PPP1R1C: variants seen among roughly 807,000 people sequenced by gnomAD.
PPP1R1C encodes protein phosphatase 1 regulatory inhibitor subunit 1C, also known as protein phosphatase 1 regulatory subunit 1C.
Under a neutral mutation model 17.4 loss-of-function variants are expected in PPP1R1C, and 15 were observed. The ratio of observed to expected loss-of-function variants is 0.86; its 90% CI spans 0.58 to 1.33. PPP1R1C has a LOEUF of 1.33. PPP1R1C is among the 40% of genes most tolerant of loss of function. The probability of loss-of-function intolerance (pLI) is 0.00; values close to 1 mark genes in which losing one functional copy is unlikely to be tolerated. For missense variants in PPP1R1C, 143 were observed against 130.0 expected, an observed-to-expected ratio of 1.10 and a Z score of -0.48; for synonymous variants, 35 against 43.1, an observed-to-expected ratio of 0.81 and a Z score of 0.73.
chr2:182,047,415 T>A (rs1687380026), intron 2 of PPP1R1C, among the ~76,000 whole-genome samples: 1 of 152,208 alleles, frequency 6.6e-6, no homozygotes, highest in Non-Finnish European at 1.5e-5. Context: ...TTATTTCTAA[T>A]CTGTAAAAGT....
chr2:181,993,900 G>GA (rs1418377001), intron 2 of PPP1R1C, among the ~76,000 whole-genome samples: 31 of 148,474 alleles, frequency 2.1e-4, no homozygotes, highest in South Asian at 1.3e-3. Context: ...CAAAATAAAT[G>GA]AAAAAAAAAT....
intron 2 of PPP1R1C, among the ~76,000 whole-genome samples, chr2:181,993,282 AC>A (rs1284327818): frequency 2.0e-5 from 3 of 152,014 alleles, no homozygotes; most frequent in Non-Finnish European, 4.4e-5. Context: ...CTTCATGGAG[AC>A]CCTCTATTTT....
chr2:181,999,192 C>T (rs1355220354), intron 2 of PPP1R1C, among the ~76,000 whole-genome samples: 1 of 151,966 alleles, frequency 6.6e-6, no homozygotes, highest in Non-Finnish European at 1.5e-5. Flanking sequence ...ATGTTTAGGA[C>T]ACAAAAGAGA....
chr2:182,016,494 C>G (rs1056632911), intron 2 of PPP1R1C, among the ~76,000 whole-genome samples: 1 of 152,060 alleles, frequency 6.6e-6, no homozygotes, highest in Non-Finnish European at 1.5e-5. Context: ...ATTTCTTTAT[C>G]TGGAATATAG....
intron 2 of PPP1R1C, among the ~76,000 whole-genome samples, chr2:181,998,616 A>C (rs1248091184): frequency 6.6e-6 from 1 of 152,256 alleles, no homozygotes; most frequent in Non-Finnish European, 1.5e-5. Context: ...GATGATTGTT[A>C]GATTATGGTT....
chr2:181,986,246 A>G (rs1685295309), intron 1 of PPP1R1C, 55 bp downstream of exon 1: 9 of 1,295,594 alleles, frequency 6.9e-6, no homozygotes, highest in Non-Finnish European at 1.0e-5. Context: ...ATGAACATGC[A>G]TTCTGGTTAT....
At chr2:182,056,919 G>A (rs1294541463) in intron 2 of PPP1R1C, among the ~76,000 whole-genome samples, 2 of 152,138 alleles carry the variant, frequency 1.3e-5, no homozygotes, top group Non-Finnish European at 2.9e-5. Context: ...AAGAATTTGA[G>A]TGTCTGTAGC....
intron 4 of PPP1R1C, among the ~76,000 whole-genome samples, chr2:182,072,251 C>T (rs1443314936): frequency 6.6e-6 from 1 of 152,128 alleles, no homozygotes; most frequent in Non-Finnish European, 1.5e-5. Flanking sequence ...TGTTTTATGC[C>T]TAATGGAGTG....
intron 2 of PPP1R1C, among the ~76,000 whole-genome samples, chr2:182,046,716 C>G (rs1687358830): frequency 6.8e-6 from 1 of 146,502 alleles, no homozygotes; most frequent in African/African-American, 2.5e-5. Context: ...TCCAGCCTGG[C>G]AACAGAGCGA....
chr2:181,985,387 C>G (rs1201525185), upstream of PPP1R1C, among the ~76,000 whole-genome samples: 1 of 152,164 alleles, frequency 6.6e-6, no homozygotes, highest in Admixed American at 6.5e-5. This position sits in a 1 kb window ranked among gnomAD's most constrained non-coding sequence, Gnocchi z 4.1. Context: ...AGATGGAACT[C>G]GAACTAAGAT....
intron 2 of PPP1R1C, among the ~76,000 whole-genome samples, chr2:182,001,331 C>T (rs973383623): frequency 2.6e-5 from 4 of 152,104 alleles, no homozygotes; most frequent in Non-Finnish European, 5.9e-5. Flanking sequence ...TTTTAGAGGA[C>T]AATTGAAAGA....
At chr2:182,038,679 G>T (rs185134998) in intron 2 of PPP1R1C, among the ~76,000 whole-genome samples, 4 of 152,254 alleles carry the variant, frequency 2.6e-5, no homozygotes, top group Admixed American at 2.6e-4. Context: ...GGGTTTTTGT[G>T]AATCAAATCC....
chr2:182,110,006 T>C (rs1373475997), intron 4 of PPP1R1C, among the ~76,000 whole-genome samples: 1 of 152,224 alleles, frequency 6.6e-6, no homozygotes, highest in African/African-American at 2.4e-5. Flanking sequence ...AAGACTAGCC[T>C]AATCCGTGCC....
intron 2 of PPP1R1C, among the ~76,000 whole-genome samples, chr2:182,025,150 C>T (rs1183819677): frequency 6.7e-6 from 1 of 148,826 alleles, no homozygotes; most frequent in Non-Finnish European, 1.5e-5. Context: ...TTCTCTTTCT[C>T]TTTGCCAAAC....
intron 2 of PPP1R1C, among the ~76,000 whole-genome samples, chr2:182,042,880 A>G (rs1434762515): frequency 1.3e-5 from 2 of 152,174 alleles, no homozygotes; most frequent in Admixed American, 6.5e-5. Flanking sequence ...AGAAAATGAG[A>G]TATGTTCGGT....
intron 2 of PPP1R1C, among the ~76,000 whole-genome samples, chr2:181,980,151 C>T (rs1030530346): frequency 3.3e-5 from 5 of 152,000 alleles, no homozygotes; most frequent in Admixed American, 6.5e-5. Context: ...ATGAGATACT[C>T]AATAAATATT....
chr2:182,009,395 C>CTT (rs900305344), intron 2 of PPP1R1C, among the ~76,000 whole-genome samples: 15 of 152,022 alleles, frequency 9.9e-5, no homozygotes, highest in Non-Finnish European at 2.2e-4. Flanking sequence ...CTTTGAGCAC[C>CTT]TTTTCATATA....
At position 182,009,452 on chromosome 2, in the gene PPP1R1C, C is replaced by T. The variant is rs201262285; in HGVS notation, c.142+21553C>T. On this transcript the variant is annotated intron_variant, in intron 2 of 4. Coordinates refer to ENST00000682840, the MANE Select transcript of PPP1R1C (RefSeq NM_001080545.3). ...TTCAGAAATGTCTATTCAGATCTTT[C>T]GCCCATTTTTAAATCAGATTATTAT... 1.8e-4 allele frequency among the ~76,000 whole-genome samples: 27 copies of T among 152,096 alleles called. No individual in the cohort carries two copies. The South Asian group carries it at 2.1e-3, about 12-fold the overall frequency.
At chr2:182,108,627 A>G (rs1349627743) in intron 4 of PPP1R1C, among the ~76,000 whole-genome samples, 1 of 152,132 alleles carries the variant, frequency 6.6e-6, no homozygotes, top group Non-Finnish European at 1.5e-5. Context: ...TTGGCATCAG[A>G]TATTCCATAT....
Sources: gnomAD v4.1 joint callset for allele counts (sites outside exome capture counted in the v4.1 genomes callset) on GRCh38, gnomAD v4.1.1 for gene constraint, Gnocchi (gnomAD v3.1) non-coding constraint, MANE v1.5 for transcripts, NCBI Gene and HGNC (gene_info 2026-07-23, HGNC 2026-07-21) for gene names.